Variants in SHISA6 observed in about 807,000 individuals in gnomAD.
SHISA6 encodes protein shisa-6.
A neutral mutation model predicts 47.9 loss-of-function variants in SHISA6; 22 were observed. That is an observed-to-expected ratio of 0.46 (90% confidence interval 0.33 to 0.66). The LOEUF (loss-of-function observed/expected upper bound fraction) is 0.66, where lower values mean the gene tolerates loss of function less well. Ranked by LOEUF, SHISA6 falls within the 30% of genes least tolerant of loss-of-function variation. The pLI, the probability that SHISA6 is intolerant of heterozygous loss-of-function variation, is 0.02. For synonymous variants in SHISA6, 388 were observed against 337.8 expected (o/e 1.15, Z -1.63); for missense variants, 680 against 764.6 (o/e 0.89, Z 1.30).
chr17:11,379,396 T>C lies in SHISA6; in HGVS notation c.800-18T>C, dbSNP rs372426845. On this transcript the variant is annotated intron_variant, in intron 2 of 5. Coordinates refer to ENST00000441885, the MANE Select transcript of SHISA6 (RefSeq NM_207386.4). ...GTGTCGTGGATGCGCCAGGTAATTC[T>C]GCCCCATCTTCTTGCAGGGCATTAT... 4,267 of 1,524,636 alleles carry C rather than the reference T, an allele frequency of 2.8e-3. 20 individuals are homozygous for C. The highest frequency in any genetic ancestry group is 8.0e-3 in the South Asian group (652 of 81,646). The allele number at this position is 1,524,636 out of a possible 1,614,324, so 94.4% of individuals were successfully genotyped here. A position where few individuals can be genotyped will look rare whatever the true frequency, so the allele number is the denominator to read the frequency against.
At chr17:11,444,543 G>T (rs1915182837) in intron 3 of SHISA6, among the ~76,000 whole-genome samples, 1 of 152,078 alleles carries the variant, frequency 6.6e-6, no homozygotes, top group Non-Finnish European at 1.5e-5. Context: ...GGGTCAGAGG[G>T]ATGGGCTATG....
chr17:11,281,081 T>C (rs1251659465), intron 2 of SHISA6, among the ~76,000 whole-genome samples: 2 of 152,220 alleles, frequency 1.3e-5, no homozygotes, highest in African/African-American at 4.8e-5. Context: ...TTTTTAGAAT[T>C]TTTACAAACA....
intron 3 of SHISA6, among the ~76,000 whole-genome samples, chr17:11,514,023 G>A (rs183431728): frequency 6.6e-6 from 1 of 152,268 alleles, no homozygotes; most frequent in Non-Finnish European, 1.5e-5. Context: ...TTGAAACTTT[G>A]CTAGCAGCAT....
intron 3 of SHISA6, among the ~76,000 whole-genome samples, chr17:11,507,402 G>C (rs1156401118): frequency 6.6e-6 from 1 of 152,078 alleles, no homozygotes; most frequent in Non-Finnish European, 1.5e-5. Context: ...TCTGCTCAGA[G>C]CTTTCCTCTC....
intron 3 of SHISA6, among the ~76,000 whole-genome samples, chr17:11,418,804 A>G (rs1292972898): frequency 6.6e-6 from 1 of 152,142 alleles, no homozygotes; most frequent in African/African-American, 2.4e-5. Context: ...TTTATAATGA[A>G]TTTGTTCTTT....
chr17:11,420,262 G>A (rs138019512), intron 3 of SHISA6, among the ~76,000 whole-genome samples: 41 of 152,226 alleles, frequency 2.7e-4, no homozygotes, highest in East Asian at 2.1e-3. Flanking sequence ...CCCTGCCCCC[G>A]CGGGACTGGT....
intron 4 of SHISA6, among the ~76,000 whole-genome samples, chr17:11,553,183 C>G (rs1238394026): frequency 6.6e-6 from 1 of 152,226 alleles, no homozygotes; most frequent in East Asian, 1.9e-4. Context: ...GACATGAAGT[C>G]TGGAGGAAGG....
intron 3 of SHISA6, among the ~76,000 whole-genome samples, chr17:11,527,414 A>G (rs900941459): frequency 8.5e-5 from 13 of 152,176 alleles, no homozygotes; most frequent in African/African-American, 2.4e-4. Context: ...TAGTATTACT[A>G]TAAGAGTTGG....
In SHISA6 at chr17:11,256,369, G is replaced by A. The variant is rs567203875; in HGVS notation, c.639-6997G>A. Among the ~76,000 whole-genome samples the A allele has an allele frequency of 5.3e-5, 8 of 152,236 alleles. No homozygotes were observed. The South Asian group carries it at 1.7e-3, about 32-fold the overall frequency. On this transcript the variant is annotated intron_variant, in intron 1 of 5. Coordinates refer to ENST00000441885, the MANE Select transcript of SHISA6 (RefSeq NM_207386.4). ...AAAGTAGCTGGGCGTGGTGACAGGGGCCTTTAATCCCAGCTACTCGGGAAG... is the reference window on the plus strand; with the variant it reads ...AAAGTAGCTGGGCGTGGTGACAGGGACCTTTAATCCCAGCTACTCGGGAAG...
At chr17:11,330,930 A>G (rs929109627) in intron 2 of SHISA6, among the ~76,000 whole-genome samples, 7 of 152,216 alleles carry the variant, frequency 4.6e-5, no homozygotes, top group Admixed American at 4.6e-4. Context: ...TAGTGACAAC[A>G]TGAAGTCATT....
chr17:11,265,346 A>G (rs912132037), intron 2 of SHISA6, among the ~76,000 whole-genome samples: 1 of 152,166 alleles, frequency 6.6e-6, no homozygotes, highest in African/African-American at 2.4e-5. Flanking sequence ...ATTGGAATCA[A>G]CTGGGGATCT....
At chr17:11,528,326 T>C (rs893139151) in intron 3 of SHISA6, among the ~76,000 whole-genome samples, 1 of 152,126 alleles carries the variant, frequency 6.6e-6, no homozygotes, top group African/African-American at 2.4e-5. Flanking sequence ...AATGGGAAAA[T>C]TTTAATTATC....
chr17:11,256,049 C>T (rs1179368487), intron 1 of SHISA6, among the ~76,000 whole-genome samples: 6 of 152,182 alleles, frequency 3.9e-5, no homozygotes, highest in South Asian at 2.1e-4. Context: ...CACAGAGCTA[C>T]GGGACACTTA....
At chr17:11,256,197 T>G (rs1018636292) in intron 1 of SHISA6, among the ~76,000 whole-genome samples, 5 of 152,012 alleles carry the variant, frequency 3.3e-5, no homozygotes, top group Non-Finnish European at 5.9e-5. Flanking sequence ...CCATTGCAAA[T>G]AAAGAAAATA....
intron 1 of SHISA6, among the ~76,000 whole-genome samples, chr17:11,259,797 A>G (rs376535706): frequency 2.6e-5 from 4 of 152,374 alleles, no homozygotes; most frequent in Non-Finnish European, 4.4e-5. Flanking sequence ...TGGAGGGACC[A>G]GGAAGACTCA....
chr17:11,377,770 G>A (rs1912856815), intron 2 of SHISA6, among the ~76,000 whole-genome samples: 1 of 152,146 alleles, frequency 6.6e-6, no homozygotes. Context: ...CTAAGGCAGT[G>A]GTTCTCATTT....
intron 3 of SHISA6, among the ~76,000 whole-genome samples, chr17:11,445,409 C>T (rs779975675): frequency 7.6e-4 from 116 of 151,982 alleles, no homozygotes; most frequent in Non-Finnish European, 3.1e-4. Context: ...GCATGCAAAC[C>T]GTCACTGTAC....
intron 2 of SHISA6, among the ~76,000 whole-genome samples, chr17:11,321,557 G>A (rs1910719247): frequency 6.6e-6 from 1 of 152,172 alleles, no homozygotes; most frequent in Non-Finnish European, 1.5e-5. Flanking sequence ...TTTGTAGCTA[G>A]TCTCACAATC....
intron 3 of SHISA6, among the ~76,000 whole-genome samples, chr17:11,534,157 CTTTTTTTTTTTTT>C (rs373384700): frequency 1.1e-5 from 1 of 93,196 alleles, no homozygotes; most frequent in Non-Finnish European, 2.1e-5. Flanking sequence ...TCTTTTTTTT[CTTTTTTTTTTTTT>C]TTTTTTTGTA....
Sources: gnomAD v4.1 joint callset for allele counts (sites outside exome capture counted in the v4.1 genomes callset) on GRCh38, gnomAD v4.1.1 for gene constraint, MANE v1.5 for transcripts, NCBI Gene and HGNC (gene_info 2026-07-23, HGNC 2026-07-21) for gene names.